Variants in CHODL observed in about 807,000 individuals in gnomAD.
The protein encoded by CHODL is transmembrane protein MT75.
Under a neutral mutation model 34.5 loss-of-function variants are expected in CHODL, and 29 were observed. The observed-to-expected ratio is 0.84, with a 90% confidence interval of 0.63 to 1.15. The LOEUF is 1.15. Among genes scored for constraint, CHODL ranks in the 50% most tolerant of loss-of-function variants. CHODL has a pLI of 0.00. For missense variants in CHODL, 332 were observed against 332.5 expected (o/e 1.00, Z 0.01); for synonymous variants, 125 against 116.1 (o/e 1.08, Z -0.49).
At chr21:18,247,671 G>C (rs932715131) in intron 1 of CHODL, among the ~76,000 whole-genome samples, 1 of 152,126 alleles carries the variant, frequency 6.6e-6, no homozygotes, top group African/African-American at 2.4e-5. Flanking sequence ...TTTGATGTAC[G>C]AATATGCAAA....
At chr21:17,984,248 A>G (rs1220656431) in intron 1 of CHODL, among the ~76,000 whole-genome samples, 1 of 152,182 alleles carries the variant, frequency 6.6e-6, no homozygotes, top group Non-Finnish European at 1.5e-5. Context: ...ATTCCATTAT[A>G]TGGGTAGACC....
rs563914366 is a variant in CHODL, at chr21:17,946,204, G to T, written c.-145+28804G>T. ...AGGCCAAGGCGGGCGGATCACGAGG[G>T]CAGGAGATTGAGACCATCCTGGCTA... On this transcript the variant is annotated intron_variant, in intron 1 of 6. Coordinates refer to the CHODL transcript ENST00000400127. Among the ~76,000 whole-genome samples the T allele has an allele frequency of 1.6e-3, 242 of 152,246 alleles. 1 individual carries two copies. The highest frequency in any genetic ancestry group is 4.9e-3 in the African/African-American group (204 of 41,534).
At chr21:18,074,936 G>A (rs2064847428) in intron 2 of CHODL, among the ~76,000 whole-genome samples, 1 of 152,130 alleles carries the variant, frequency 6.6e-6, no homozygotes, top group Non-Finnish European at 1.5e-5. Flanking sequence ...AGGATGTCTG[G>A]GCAGGGGCCA....
chr21:18,159,101 G>C (rs2073067085), intron 2 of CHODL, among the ~76,000 whole-genome samples: 1 of 152,052 alleles, frequency 6.6e-6, no homozygotes, highest in Non-Finnish European at 1.5e-5. Flanking sequence ...TTTACCCCGG[G>C]GATATTTGGC....
intron 1 of CHODL, among the ~76,000 whole-genome samples, chr21:17,990,818 C>T (rs562586169): frequency 6.6e-6 from 1 of 152,092 alleles, no homozygotes; most frequent in East Asian, 1.9e-4. Context: ...GTGTTGGTTA[C>T]AATTTAAAAT....
chr21:18,011,626 C>A (rs1409613880), intron 1 of CHODL, among the ~76,000 whole-genome samples: 1 of 152,106 alleles, frequency 6.6e-6, no homozygotes, highest in Non-Finnish European at 1.5e-5. Flanking sequence ...TTTTTAAGGG[C>A]CCCACTGTTT....
Position 18,149,338 on chromosome 21 carries a change from G to A in CHODL, c.-44-107171G>A, listed in dbSNP as rs2072936629. ...CGCTGTTTCTCCATGAGATGAAAGC[G>A]ACTGACTGTCCTTGAGAAATACACA... is the stretch of plus-strand genomic sequence containing the variant. On this transcript the variant is annotated intron_variant, in intron 2 of 6. Coordinates refer to the CHODL transcript ENST00000400127. 2.6e-5 allele frequency among the ~76,000 whole-genome samples: 4 copies of A among 152,168 alleles called. No individual in the cohort carries two copies. The South Asian group carries it at 8.3e-4, about 31-fold the overall frequency.
In CHODL at chr21:17,995,054, C is replaced by T. The variant is rs551063933; in HGVS notation, c.-144-32818C>T. Among the ~76,000 whole-genome samples the T allele has an allele frequency of 7.2e-4, 109 of 152,136 alleles. 1 individual carries two copies. Among genetic ancestry groups the T allele is most frequent in the African/African-American group, 2.4e-3 (101 of 41,498 alleles). On this transcript the variant is annotated intron_variant, in intron 1 of 6. Coordinates refer to the CHODL transcript ENST00000400127. Reference sequence around the variant, plus strand: ...TGGGCCAGAGTGCTAGGGACCTGATCGCACCCCTTGATCCAGACAGCGTCA... The same window carrying T: ...TGGGCCAGAGTGCTAGGGACCTGATTGCACCCCTTGATCCAGACAGCGTCA...
At chr21:18,139,866 GTGGGAA>G (rs1476314066) in intron 2 of CHODL, among the ~76,000 whole-genome samples, 4 of 152,250 alleles carry the variant, frequency 2.6e-5, no homozygotes, top group South Asian at 4.1e-4. Flanking sequence ...AGGGAGAAAG[GTGGGAA>G]TGGGAATGGG....
chr21:18,067,281 T>G (rs1410680591), intron 2 of CHODL, among the ~76,000 whole-genome samples: 1 of 152,222 alleles, frequency 6.6e-6, no homozygotes, highest in Admixed American at 6.5e-5. Flanking sequence ...CCTCAGAATG[T>G]GATCTTATTT....
rs536924023 is a variant in CHODL, at chr21:17,927,153, T to C, written c.-145+9753T>C. On this transcript the variant is annotated intron_variant, in intron 1 of 6. Transcript: ENST00000400127. ...ATATATGTATATATGTATATATGTA[T>C]ATATATGTATATATGTATATATGTA... Among the ~76,000 whole-genome samples, 348 of 51,888 alleles carry C rather than the reference T, an allele frequency of 6.7e-3. 5 individuals carry two copies. The highest frequency in any genetic ancestry group is 0.024 in the African/African-American group (324 of 13,604). The allele number at this position is 51,888 out of a possible 152,430, so 34.0% of individuals were successfully genotyped here.
intron 1 of CHODL, among the ~76,000 whole-genome samples, chr21:17,959,652 C>T (rs2063517826): frequency 6.6e-6 from 1 of 152,138 alleles, no homozygotes; most frequent in Non-Finnish European, 1.5e-5. Context: ...TAGCTTGCTC[C>T]TAGGAAATTA....
chr21:17,948,811 A>G (rs2063433237), intron 1 of CHODL, among the ~76,000 whole-genome samples: 1 of 152,170 alleles, frequency 6.6e-6, no homozygotes, highest in South Asian at 2.1e-4. Context: ...TTTACTGCTG[A>G]ATTCTAATAA....
intron 1 of CHODL, 90 bp downstream of exon 1, chr21:18,245,392 G>C: frequency 8.6e-7 from 1 of 1,163,800 alleles, no homozygotes; most frequent in Non-Finnish European, 1.2e-6. Context: ...GAGGCTCTCC[G>C]GGGCGTTGGA....
chr21:18,225,891 G>A (rs895494497), intron 2 of CHODL, among the ~76,000 whole-genome samples: 2 of 151,986 alleles, frequency 1.3e-5, no homozygotes, highest in Non-Finnish European at 2.9e-5. Flanking sequence ...AAACATACAA[G>A]TCTATAATAA....
rs895146972 is a variant in CHODL at position 17,948,014 on chromosome 21, A to G, written c.-145+30614A>G. On this transcript the variant is annotated intron_variant, in intron 1 of 6. Coordinates refer to the CHODL transcript ENST00000400127. ...GTGTCTTTTACAGCAACATGGATGA[A>G]ACTGGAAGCCATTATTTACGTGCAA... 1.2e-4 allele frequency among the ~76,000 whole-genome samples: 18 copies of G among 152,186 alleles called. 1 individual carries two copies. The highest frequency in any genetic ancestry group is 9.2e-4 in the Admixed American group (14 of 15,272).
intron 2 of CHODL, among the ~76,000 whole-genome samples, chr21:18,194,979 C>T (rs1230881800): frequency 6.6e-6 from 1 of 151,912 alleles, no homozygotes; most frequent in African/African-American, 2.4e-5. Context: ...CTAAAATCTA[C>T]TCATTTTGCA....
At chr21:18,132,919 G>A (rs2072674577) in intron 2 of CHODL, among the ~76,000 whole-genome samples, 1 of 152,044 alleles carries the variant, frequency 6.6e-6, no homozygotes, top group Non-Finnish European at 1.5e-5. Flanking sequence ...ATAATACACT[G>A]TCAAATATGA....
chr21:18,250,441 TTAAAATTATAAA>T (rs1352846995), intron 1 of CHODL, among the ~76,000 whole-genome samples: 9 of 151,938 alleles, frequency 5.9e-5, no homozygotes, highest in East Asian at 1.9e-4. Context: ...TAAACTTAAT[TTAAAATTATAAA>T]TAAAATTATA....
Sources: allele counts gnomAD v4.1 joint callset (sites outside exome capture counted in the v4.1 genomes callset), GRCh38; gene constraint gnomAD v4.1.1; transcripts MANE v1.5; gene names NCBI Gene and HGNC (gene_info 2026-07-23, HGNC 2026-07-21).